RBMS3: variants seen among roughly 807,000 people sequenced by gnomAD.
The protein encoded by RBMS3 is RNA-binding motif, single-stranded-interacting protein 3.
Under a neutral mutation model 66.8 loss-of-function variants are expected in RBMS3, and 27 were observed. That is an observed-to-expected ratio of 0.40 (90% CI 0.30 to 0.56). The LOEUF (loss-of-function observed/expected upper bound fraction) is 0.56, where lower values mean the gene tolerates loss of function less well. RBMS3 is among the 20% of genes least tolerant of loss of function. The probability of loss-of-function intolerance (pLI) is 0.40; values close to 1 mark genes in which losing one functional copy is unlikely to be tolerated. For missense variants in RBMS3, 513 were observed against 549.5 expected, an observed-to-expected ratio of 0.93 and a Z score of 0.66; for synonymous variants, 188 against 183.0, an observed-to-expected ratio of 1.03 and a Z score of -0.22.
At chr3:29,291,088 A>G (rs939404584) in intron 1 of RBMS3, among the ~76,000 whole-genome samples, 2 of 151,980 alleles carry the variant, frequency 1.3e-5, no homozygotes, top group African/African-American at 4.8e-5. Flanking sequence ...CAAAGAGATT[A>G]TTAGAAGACT....
rs1437535365 is a variant in RBMS3 at position 29,473,310 on chromosome 3, TA to T, written c.249-15130del. Among the ~76,000 whole-genome samples, 4 of 152,288 alleles carry T rather than the reference TA, an allele frequency of 2.6e-5. No individual in the cohort carries two copies. In the East Asian group the frequency reaches 7.7e-4, roughly 29 times the overall value. On this transcript the variant is annotated intron_variant, in intron 2 of 14. Transcript: ENST00000383767. ...ATTGGTGTATTTACAATCCCTTAGC[TA>T]GACATAAAGGTTCTCCAAGTCCCCA...
chr3:29,425,475 T>C (rs1468427189), intron 1 of RBMS3, among the ~76,000 whole-genome samples: 1 of 143,078 alleles, frequency 7.0e-6, no homozygotes, highest in African/African-American at 2.5e-5. Flanking sequence ...CTACTAAAAA[T>C]ACAAAAAAAA....
At chr3:29,597,566 C>T (rs1002194054) in intron 4 of RBMS3, among the ~76,000 whole-genome samples, 3 of 152,104 alleles carry the variant, frequency 2.0e-5, no homozygotes, top group African/African-American at 4.8e-5. Context: ...TTAACCACAC[C>T]GTGAAACTTA....
At chr3:29,792,930 T>A (rs1433410558) in intron 6 of RBMS3, among the ~76,000 whole-genome samples, 1 of 152,122 alleles carries the variant, frequency 6.6e-6, no homozygotes, top group Non-Finnish European at 1.5e-5. Flanking sequence ...AAATGAACTA[T>A]AATTGAAATT....
intron 10 of RBMS3, among the ~76,000 whole-genome samples, chr3:29,928,180 T>TCA (rs1469443022): frequency 1.9e-5 from 2 of 102,588 alleles, no homozygotes; most frequent in Admixed American, 2.3e-4. Flanking sequence ...TCTTCAAATT[T>TCA]TATATATATA....
rs1292594547 is a variant in RBMS3, at chr3:29,793,328, G to A, written c.637+30339G>A. ...AAAAGTTAGAATGTTAGCTTCTGGG[G>A]AAGTTAAGACCGTCATAATTTTTTT... On this transcript the variant is annotated intron_variant, in intron 6 of 14. Transcript: ENST00000383767. Among the ~76,000 whole-genome samples the A allele has an allele frequency of 4.6e-5, 7 of 151,928 alleles. No homozygotes were observed. In the East Asian group the frequency reaches 1.4e-3, roughly 29 times the overall value.
At chr3:29,681,867 C>A (rs1411309187) in intron 4 of RBMS3, among the ~76,000 whole-genome samples, 5 of 152,098 alleles carry the variant, frequency 3.3e-5, no homozygotes, top group Admixed American at 2.6e-4. Context: ...TGGGTATATA[C>A]CCAGTAATGA....
At chr3:29,787,381 A>G (rs1199367283) in intron 6 of RBMS3, among the ~76,000 whole-genome samples, 2 of 152,208 alleles carry the variant, frequency 1.3e-5, no homozygotes, top group Admixed American at 1.3e-4. Context: ...ATACTTGCAC[A>G]TGCCTGTTTA....
At chr3:29,696,620 A>G (rs2052289657) in intron 4 of RBMS3, among the ~76,000 whole-genome samples, 1 of 152,300 alleles carries the variant, frequency 6.6e-6, no homozygotes, top group Non-Finnish European at 1.5e-5. Flanking sequence ...AAAGTTAGAT[A>G]TTTATAAAAT....
At chr3:29,591,255 T>C (rs2047725526) in intron 4 of RBMS3, among the ~76,000 whole-genome samples, 1 of 152,198 alleles carries the variant, frequency 6.6e-6, no homozygotes, top group Non-Finnish European at 1.5e-5. Context: ...ACCTCAAAGC[T>C]GTGATTGCAT....
chr3:29,704,477 A>T (rs2052782080), intron 4 of RBMS3, among the ~76,000 whole-genome samples: 1 of 152,238 alleles, frequency 6.6e-6, no homozygotes, highest in Non-Finnish European at 1.5e-5. Context: ...ACCTTCCAGG[A>T]GCAAGAGAAG....
chr3:29,382,029 C>T (rs1351226367), intron 1 of RBMS3, among the ~76,000 whole-genome samples: 1 of 152,088 alleles, frequency 6.6e-6, no homozygotes, highest in Non-Finnish European at 1.5e-5. Context: ...AAATCAGTAT[C>T]ATAGTGTTGA....
intron 12 of RBMS3, among the ~76,000 whole-genome samples, chr3:29,965,456 A>T (rs995358058): frequency 3.1e-4 from 47 of 151,760 alleles, no homozygotes; most frequent in African/African-American, 1.1e-3. Context: ...TGTGGTTTTG[A>T]TTTGCATTTC....
chr3:29,837,659 TGAAC>T (rs2058550489), intron 6 of RBMS3, among the ~76,000 whole-genome samples: 1 of 81,808 alleles, frequency 1.2e-5, no homozygotes, highest in Non-Finnish European at 2.3e-5. Context: ...ATATATATAA[TGAAC>T]ATATATATAT....
At chr3:29,449,684 C>T (rs532647951) in intron 2 of RBMS3, among the ~76,000 whole-genome samples, 2 of 152,318 alleles carry the variant, frequency 1.3e-5, no homozygotes, top group Non-Finnish European at 2.9e-5. Flanking sequence ...AATTTACCAT[C>T]ACTGGCACAC....
intron 10 of RBMS3, among the ~76,000 whole-genome samples, chr3:29,914,611 A>T (rs1235043031): frequency 6.6e-6 from 1 of 151,708 alleles, no homozygotes. Flanking sequence ...CAACCCAATT[A>T]TGCTTTTTCT....
In RBMS3 at chr3:29,722,208, TA is replaced by T. The variant is rs1467368210; in HGVS notation, c.400-17511del. On this transcript the variant is annotated intron_variant, in intron 4 of 14. Coordinates refer to ENST00000383767, the MANE Select transcript of RBMS3 (RefSeq NM_001003793.3). ...TTTTATTTTTTCAGTTTTTTCATGT[TA>T]TTTTTTTGTAATTTTAAACTTGTAA... Among the ~76,000 whole-genome samples the T allele has an allele frequency of 1.9e-4, 29 of 152,304 alleles. 1 individual carries two copies. Among genetic ancestry groups the T allele is most frequent in the Middle Eastern group, 3.4e-3 (1 of 294 alleles).
chr3:29,341,667 C>A (rs2036290283), intron 1 of RBMS3, among the ~76,000 whole-genome samples: 1 of 152,096 alleles, frequency 6.6e-6, no homozygotes. Context: ...TGGTCTTGTC[C>A]CTAGACCTCC....
chr3:29,362,536 C>T (rs1013439590), intron 1 of RBMS3, among the ~76,000 whole-genome samples: 13 of 152,176 alleles, frequency 8.5e-5, no homozygotes, highest in Admixed American at 6.5e-5. Context: ...TGTCAGATCT[C>T]ACACTCCGTG....
Sources: gnomAD v4.1 joint callset for allele counts (sites outside exome capture counted in the v4.1 genomes callset) on GRCh38, gnomAD v4.1.1 for gene constraint, MANE v1.5 for transcripts, NCBI Gene and HGNC (gene_info 2026-07-23, HGNC 2026-07-21) for gene names.